The following SEMA7A variants were observed in gnomAD, a reference collection of about 807,000 sequenced individuals.
SEMA7A encodes semaphorin 7A (JohnMiltonHagen blood group), also known as semaphorin-7A.
Under a neutral mutation model 67.5 loss-of-function variants are expected in SEMA7A, and 21 were observed. The observed-to-expected ratio is 0.31, with a 90% CI of 0.22 to 0.45. The LOEUF (loss-of-function observed/expected upper bound fraction) is 0.45, where lower values mean the gene tolerates loss of function less well. Among genes scored for constraint, SEMA7A ranks in the 20% least tolerant of loss-of-function variants. SEMA7A has a pLI of 1.00. For missense variants in SEMA7A, 774 were observed against 908.6 expected (o/e 0.85, Z 1.90); for synonymous variants, 364 against 368.5 (o/e 0.99, Z 0.14).
rs2060896283 is a variant in SEMA7A, at chr15:74,411,142, C to A, written c.1639+153G>T. Reference sequence around the variant, plus strand: ...TCCTTTTTTCTCCCGTCTCGCTCATCCCACCAAGAGGGCTCCCTCTGCAGG... The same window carrying A: ...TCCTTTTTTCTCCCGTCTCGCTCATACCACCAAGAGGGCTCCCTCTGCAGG... On this transcript the variant is annotated intron_variant, in intron 13 of 13. Transcript: ENST00000261918. This position sits in a 1 kb window ranked among gnomAD's most constrained non-coding sequence, Gnocchi z 4.4. 7.4e-7 allele frequency: 1 copy of A among 1,342,884 alleles called. No individual in the cohort carries two copies. Among genetic ancestry groups the A allele is most frequent in the Admixed American group, 2.6e-5 (1 of 38,614 alleles). 83.2% of individuals were successfully genotyped at this position (1,342,884 alleles called of 1,614,324 possible).
At chr15:74,418,767 G>T (rs2060974342) in intron 2 of SEMA7A, 34 bp downstream of exon 2, 1 of 1,606,880 alleles carries the variant, frequency 6.2e-7, no homozygotes, top group Non-Finnish European at 8.5e-7. Context: ...AGATAAGAGG[G>T]TAGGGGGGGT....
At chr15:74,421,921 C>A (rs2061003611) in intron 1 of SEMA7A, among the ~76,000 whole-genome samples, 1 of 152,166 alleles carries the variant, frequency 6.6e-6, no homozygotes, top group Non-Finnish European at 1.5e-5. Context: ...TGAACATTTT[C>A]TTTGTGATGC....
intron 1 of SEMA7A, among the ~76,000 whole-genome samples, chr15:74,421,291 T>C (rs900309366): frequency 7.0e-4 from 107 of 152,122 alleles, no homozygotes; most frequent in African/African-American, 2.5e-3. Flanking sequence ...TGTCTTAGCA[T>C]GGACCCCAGG....
chr15:74,421,931 C>CG, intron 1 of SEMA7A, among the ~76,000 whole-genome samples: 1 of 152,222 alleles, frequency 6.6e-6, no homozygotes, highest in South Asian at 2.1e-4. Flanking sequence ...CTTTGTGATG[C>CG]TTTATGAACC....
chr15:74,414,796 G>A lies in SEMA7A; in HGVS notation c.1095+42C>T. On this transcript the variant is annotated intron_variant, in intron 9 of 13. Transcript: ENST00000261918. This position sits in a 1 kb window ranked among gnomAD's most constrained non-coding sequence, Gnocchi z 4.1. ...CAGTGGGGTGGTGGGAGGTGAGGCA[G>A]AAGGAGGGCTGGGCCTGGGCCACGG... 1 of 1,613,934 alleles carries A rather than the reference G, an allele frequency of 6.2e-7. No homozygotes were observed. Among genetic ancestry groups the A allele is most frequent in the African/African-American group, 1.3e-5 (1 of 75,048 alleles).
chr15:74,430,225 G>A (rs2061076788), intron 1 of SEMA7A, among the ~76,000 whole-genome samples: 1 of 152,088 alleles, frequency 6.6e-6, no homozygotes, highest in Admixed American at 6.5e-5. Flanking sequence ...GCCCACGAGA[G>A]AAAAAGATAG....
intron 6 of SEMA7A, 26 bp from the exon 7 acceptor site, chr15:74,416,740 G>T (rs377045764): frequency 6.2e-7 from 1 of 1,609,868 alleles, no homozygotes; most frequent in Non-Finnish European, 8.5e-7. Context: ...GCGAGTGGGC[G>T]TAAGGCTGGG....
At chr15:74,422,467 C>T (rs949836461) in intron 1 of SEMA7A, among the ~76,000 whole-genome samples, 43 of 152,262 alleles carry the variant, frequency 2.8e-4, no homozygotes, top group African/African-American at 1.0e-3. Flanking sequence ...ACCCACCTCC[C>T]GCCCCATGTG....
At position 74,414,784 on chromosome 15, in the gene SEMA7A, G is replaced by C. The variant is rs2060931941; in HGVS notation, c.1096-39C>G. ...GCAGGCCCAGGTCAGTGGGGTGGTG[G>C]GAGGTGAGGCAGAAGGAGGGCTGGG... On this transcript the variant is annotated intron_variant, in intron 9 of 13. Transcript: ENST00000261918. This position sits in a 1 kb window ranked among gnomAD's most constrained non-coding sequence, Gnocchi z 4.1. 6.2e-7 allele frequency: 1 copy of C among 1,613,938 alleles called. No homozygotes were observed. Among genetic ancestry groups the C allele is most frequent in the Non-Finnish European group, 8.5e-7 (1 of 1,179,864 alleles).
chr15:74,416,356 C>G (rs565492091), intron 7 of SEMA7A, among the ~76,000 whole-genome samples: 1 of 152,216 alleles, frequency 6.6e-6, no homozygotes, highest in East Asian at 1.9e-4. Context: ...ATCATACACA[C>G]GCTCACACGC....
intron 1 of SEMA7A, 137 bp from the exon 2 acceptor site, chr15:74,419,089 G>A: frequency 1.0e-6 from 1 of 989,414 alleles, no homozygotes; most frequent in Admixed American, 2.6e-5. Flanking sequence ...CTCTGGGCTG[G>A]GGTGGTACCC....
chr15:74,411,176 C>A lies in SEMA7A; in HGVS notation c.1639+119G>T. 1 of 1,335,922 alleles carries A rather than the reference C, an allele frequency of 7.5e-7. No homozygotes were observed. Among genetic ancestry groups the A allele is most frequent in the Non-Finnish European group, 1.0e-6 (1 of 973,904 alleles). The allele number at this position is 1,335,922 out of a possible 1,614,324, so 82.8% of individuals were successfully genotyped here. A position where few individuals can be genotyped will look rare whatever the true frequency, so the allele number is the denominator to read the frequency against. On this transcript the variant is annotated intron_variant, in intron 13 of 13. Transcript: ENST00000261918. The surrounding 1 kb of genome is among the most constrained non-coding windows in gnomAD (Gnocchi z 4.4). ...AGGGCTCCCTCTGCAGGACTGTATC[C>A]TGCCCCATGTACCTGGGGCCCACAG...
chr15:74,425,752 C>A (rs1443727415), intron 1 of SEMA7A, among the ~76,000 whole-genome samples: 1 of 152,190 alleles, frequency 6.6e-6, no homozygotes, highest in African/African-American at 2.4e-5. Flanking sequence ...TCCAGCTCCC[C>A]ACCTCCTCCC....
chr15:74,421,189 G>T (rs1377570522), intron 1 of SEMA7A, among the ~76,000 whole-genome samples: 4 of 152,208 alleles, frequency 2.6e-5, no homozygotes, highest in Non-Finnish European at 5.9e-5. Flanking sequence ...GGAGAGCAAG[G>T]TCTGAGGGGG....
At chr15:74,418,056 A>G (rs1156427790) in intron 3 of SEMA7A, 87 bp from the exon 4 acceptor site, 2 of 1,425,948 alleles carry the variant, frequency 1.4e-6, no homozygotes, top group Non-Finnish European at 2.0e-6. Flanking sequence ...GGATCAGGGA[A>G]GAAGGTGTCA....
At chr15:74,433,211 G>A (rs2061105700) in intron 1 of SEMA7A, among the ~76,000 whole-genome samples, 1 of 148,780 alleles carries the variant, frequency 6.7e-6, no homozygotes, top group African/African-American at 2.4e-5. Context: ...CGAGCTCCGG[G>A]CCGGGGCGGG....
intron 10 of SEMA7A, among the ~76,000 whole-genome samples, chr15:74,412,460 CGA>C: frequency 6.6e-6 from 1 of 152,320 alleles, no homozygotes; most frequent in Middle Eastern, 3.4e-3. Context: ...CAGCAGAGAC[CGA>C]GTTGGAACCC....
intron 1 of SEMA7A, among the ~76,000 whole-genome samples, chr15:74,429,351 A>G (rs1178663152): frequency 1.3e-5 from 2 of 152,120 alleles, no homozygotes; most frequent in Non-Finnish European, 2.9e-5. Context: ...TCCTCAAAAA[A>G]CAGAGCCCAG....
intron 1 of SEMA7A, among the ~76,000 whole-genome samples, chr15:74,425,382 T>G (rs1488649268): frequency 6.6e-6 from 1 of 152,190 alleles, no homozygotes; most frequent in African/African-American, 2.4e-5. Flanking sequence ...TACCCAGCAT[T>G]ACACAGCTAG....
Sources: gnomAD v4.1 joint callset for allele counts (sites outside exome capture counted in the v4.1 genomes callset) on GRCh38, gnomAD v4.1.1 for gene constraint, Gnocchi (gnomAD v3.1) non-coding constraint, MANE v1.5 for transcripts, NCBI Gene and HGNC (gene_info 2026-07-23, HGNC 2026-07-21) for gene names.